The following FBXO4 variants were observed in gnomAD, a reference collection of about 807,000 sequenced individuals.
FBXO4 encodes the protein F-box only protein 4.
Under a neutral mutation model 43.7 loss-of-function variants are expected in FBXO4, and 36 were observed. That is an observed-to-expected ratio of 0.82 (90% CI 0.63 to 1.09). The LOEUF (loss-of-function observed/expected upper bound fraction) is 1.09. Among genes scored for constraint, FBXO4 ranks in the 50% least tolerant of loss-of-function variants. The probability of loss-of-function intolerance (pLI) is 0.00; values close to 1 mark genes in which losing one functional copy is unlikely to be tolerated. For missense variants in FBXO4, 435 were observed against 474.1 expected (o/e 0.92, Z 0.77); for synonymous variants, 180 against 165.6 (o/e 1.09, Z -0.67).
chr5:42,013,344 C>T, the FBXO4 span, among the ~76,000 whole-genome samples: 2,547 of 152,162 alleles, frequency 0.017, 70 homozygotes, highest in African/African-American at 0.056. Flanking sequence ...AGGATAAATG[C>T]CACCTTCCAC....
the FBXO4 span, among the ~76,000 whole-genome samples, chr5:41,990,316 G>T: frequency 6.6e-6 from 1 of 152,148 alleles, no homozygotes; most frequent in Admixed American, 6.5e-5. Flanking sequence ...AGTTCAGTGT[G>T]GTGGGCAATC....
chr5:41,966,546 C>A, the FBXO4 span, among the ~76,000 whole-genome samples: 1 of 152,198 alleles, frequency 6.6e-6, no homozygotes, highest in South Asian at 2.1e-4. Context: ...TAACACTTTC[C>A]CAATGACTGA....
At chr5:41,971,204 A>G in the FBXO4 span, among the ~76,000 whole-genome samples, 12 of 125,740 alleles carry the variant, frequency 9.5e-5, no homozygotes, top group South Asian at 2.3e-3. Flanking sequence ...AACTAGAGAG[A>G]GGTGTGTGTG....
chr5:41,977,195 C>G, the FBXO4 span, among the ~76,000 whole-genome samples: 1 of 152,176 alleles, frequency 6.6e-6, no homozygotes, highest in Non-Finnish European at 1.5e-5. Context: ...CCTTTGAAGT[C>G]TTTTTCCCAT....
At chr5:41,989,437 G>A in the FBXO4 span, among the ~76,000 whole-genome samples, 10 of 152,070 alleles carry the variant, frequency 6.6e-5, no homozygotes, top group African/African-American at 2.4e-4. Context: ...ATTCCGTTAC[G>A]ATCTTAGCAA....
At chr5:41,944,763 G>C (rs970714731), downstream of FBXO4, among the ~76,000 whole-genome samples, 19 of 152,190 alleles carry the variant, frequency 1.2e-4, no homozygotes, top group African/African-American at 3.9e-4. Context: ...AGCACAAATT[G>C]CTTCTTCAGC....
chr5:41,946,700 C>CA (rs913288152), downstream of FBXO4, among the ~76,000 whole-genome samples: 11 of 151,888 alleles, frequency 7.2e-5, no homozygotes, highest in Non-Finnish European at 1.5e-4. Flanking sequence ...TTTCTTTTAC[C>CA]AAAAAAACAA....
At chr5:41,968,702 G>C in the FBXO4 span, among the ~76,000 whole-genome samples, 1 of 151,702 alleles carries the variant, frequency 6.6e-6, no homozygotes, top group South Asian at 2.1e-4. Context: ...TGGTACCTAA[G>C]TATTCGATTT....
At chr5:42,003,506 GTATT>G in the FBXO4 span, among the ~76,000 whole-genome samples, 3 of 152,206 alleles carry the variant, frequency 2.0e-5, no homozygotes, top group African/African-American at 4.8e-5. Context: ...TTGGCTTTCT[GTATT>G]TATTTATTTA....
In FBXO4 at chr5:41,941,341, T is replaced by C; in HGVS notation, c.*60T>C. 2.0e-6 allele frequency: 3 copies of C among 1,471,204 alleles called. No homozygotes were observed. Among genetic ancestry groups the C allele is most frequent in the Non-Finnish European group, 2.8e-6 (3 of 1,053,572 alleles). 91.1% of individuals were successfully genotyped at this position (1,471,204 alleles called of 1,614,324 possible). A position where few individuals can be genotyped will look rare whatever the true frequency, so the allele number is the denominator to read the frequency against. On this transcript the variant is annotated 3_prime_UTR_variant, in exon 7 of 7. Coordinates refer to ENST00000281623, the MANE Select transcript of FBXO4 (RefSeq NM_012176.3). Reference sequence around the variant, plus strand: ...GAAATTTATTACTAAGGTCGTGATGTGAATATTTGCTCAGTCAGCCCACCT... The same window carrying C: ...GAAATTTATTACTAAGGTCGTGATGCGAATATTTGCTCAGTCAGCCCACCT...
intron 2 of FBXO4, among the ~76,000 whole-genome samples, chr5:41,929,364 T>G (rs1361210124): frequency 2.0e-5 from 3 of 152,212 alleles, no homozygotes; most frequent in Non-Finnish European, 2.9e-5. Context: ...ATAAACCTCC[T>G]AGGGTTGAGA....
the FBXO4 span, among the ~76,000 whole-genome samples, chr5:41,998,383 G>A: frequency 1.3e-5 from 2 of 152,102 alleles, no homozygotes; most frequent in African/African-American, 2.4e-5. Flanking sequence ...CCCTCCCAGC[G>A]GGGATGAGTA....
chr5:41,945,968 C>G (rs971047085), downstream of FBXO4, among the ~76,000 whole-genome samples: 2 of 152,278 alleles, frequency 1.3e-5, no homozygotes. Context: ...AAATTCTTAT[C>G]CCTGTATACT....
the FBXO4 span, among the ~76,000 whole-genome samples, chr5:41,993,060 T>A: frequency 6.6e-5 from 10 of 152,192 alleles, no homozygotes; most frequent in Admixed American, 6.5e-5. Flanking sequence ...TAAACCCTTT[T>A]TAATAGACTG....
rs1561165777 is a variant in FBXO4, at chr5:41,925,357, C to T, written c.48C>T (p.Pro16=). 2.2e-6 allele frequency: 3 copies of T among 1,372,446 alleles called. No individual in the cohort carries two copies. Among genetic ancestry groups the T allele is most frequent in the African/African-American group, 1.5e-5 (1 of 65,328 alleles). The allele number at this position is 1,372,446 out of a possible 1,614,324, so 85.0% of individuals were successfully genotyped here. The stretch of plus-strand genomic sequence containing the variant: ...GCGGAACAAACTCGCCGCCGCCGCC[C>T]TTCAGCGACTGGGGCCGCCTGGAGG... ...PRSGTNSPPP[P]FSDWGRLEAA... is the part of the protein sequence containing the mutation. The change falls in exon 1 of 7, where the codon CCC becomes CCT. Residue 16 remains proline, a synonymous_variant. Transcript: ENST00000281623.
chr5:42,032,112 T>C, the FBXO4 span, among the ~76,000 whole-genome samples: 5 of 150,322 alleles, frequency 3.3e-5, no homozygotes, highest in African/African-American at 1.2e-4. Flanking sequence ...CTGGGTCATG[T>C]AAAGCTGGGG....
the FBXO4 span, among the ~76,000 whole-genome samples, chr5:41,978,128 TG>T: frequency 6.6e-6 from 1 of 152,130 alleles, no homozygotes; most frequent in African/African-American, 2.4e-5. Context: ...GCATGTCACA[TG>T]GTGAGAGTGG....
chr5:42,026,220 A>G, the FBXO4 span, among the ~76,000 whole-genome samples: 5 of 151,580 alleles, frequency 3.3e-5, no homozygotes, highest in Non-Finnish European at 5.9e-5. Flanking sequence ...TCTTTTATCA[A>G]TGTTTTATAG....
the FBXO4 span, among the ~76,000 whole-genome samples, chr5:42,008,463 A>G: frequency 6.6e-6 from 1 of 152,044 alleles, no homozygotes; most frequent in Admixed American, 6.6e-5. Context: ...TGCACCATGG[A>G]TCCTTGTCCG....
Sources: gnomAD v4.1 joint callset for allele counts (sites outside exome capture counted in the v4.1 genomes callset) on GRCh38, gnomAD v4.1.1 for gene constraint, MANE v1.5 for transcripts, NCBI Gene and HGNC (gene_info 2026-07-23, HGNC 2026-07-21) for gene names.